Variants in MLLT3 observed in about 807,000 individuals in gnomAD.
MLLT3 encodes MLLT3 super elongation complex subunit.
MLLT3 carries 4 observed loss-of-function variants against 53.2 expected under a neutral mutation model. The observed-to-expected ratio is 0.08, with a 90% CI of 0.04 to 0.17. The LOEUF is 0.17. MLLT3 is among the 10% of genes least tolerant of loss of function. MLLT3 has a pLI of 1.00. For synonymous variants in MLLT3, 283 were observed against 230.6 expected (o/e 1.23, Z -2.06); for missense variants, 569 against 684.0 (o/e 0.83, Z 1.87).
In MLLT3 at chr9:20,573,123, C is replaced by CT. The variant is rs11349024; in HGVS notation, c.193+47530dup. Among the ~76,000 whole-genome samples, 423 of 144,670 alleles carry CT rather than the reference C, an allele frequency of 2.9e-3. 3 individuals are homozygous for CT. The highest frequency in any genetic ancestry group is 0.01 in the African/African-American group (400 of 39,174). The allele number at this position is 144,670 out of a possible 152,430, so 94.9% of individuals were successfully genotyped here. A position where few individuals can be genotyped will look rare whatever the true frequency, so the allele number is the denominator to read the frequency against. ...AAGTAAAACTATCACAACAGGAGAA[C>CT]TTTTTTTTTTTTTCGCTGTTGTGTT... On this transcript the variant is annotated intron_variant, in intron 2 of 10. Transcript: ENST00000380338.
At chr9:20,461,374 G>A (rs1037246194) in intron 2 of MLLT3, among the ~76,000 whole-genome samples, 26 of 152,046 alleles carry the variant, frequency 1.7e-4, no homozygotes, top group Non-Finnish European at 2.9e-5. Flanking sequence ...TGGAAAGGGG[G>A]AAAAGAAAAT....
intron 5 of MLLT3, chr9:20,382,417 C>T (rs1186220811): frequency 1.3e-5 from 2 of 151,858 alleles, no homozygotes; most frequent in African/African-American, 4.8e-5. Flanking sequence ...CTCAGGAAAA[C>T]AGAAGTGCCC....
At chr9:20,356,958 T>C (rs75166915) in intron 8 of MLLT3, among the ~76,000 whole-genome samples, 1 of 152,200 alleles carries the variant, frequency 6.6e-6, no homozygotes, top group Admixed American at 6.5e-5. Context: ...TCTTCCTTCT[T>C]TGATCTCTCC....
At chr9:20,494,319 T>C (rs773435598) in intron 2 of MLLT3, among the ~76,000 whole-genome samples, 37 of 151,884 alleles carry the variant, frequency 2.4e-4, no homozygotes, top group Non-Finnish European at 4.7e-4. Flanking sequence ...CTTTTACCAT[T>C]CTTCAGGGGA....
intron 2 of MLLT3, among the ~76,000 whole-genome samples, chr9:20,524,182 G>A (rs1239697678): frequency 6.6e-6 from 1 of 152,070 alleles, no homozygotes; most frequent in Non-Finnish European, 1.5e-5. Context: ...CACTCTGGTA[G>A]GGGATGTTGA....
chr9:20,451,633 T>C (rs563227498), intron 3 of MLLT3, among the ~76,000 whole-genome samples: 46 of 152,318 alleles, frequency 3.0e-4, no homozygotes, highest in Admixed American at 2.2e-3. Context: ...TCTGTGCTCC[T>C]TAGAAAACAT....
At chr9:20,423,207 T>C (rs1823057057) in intron 4 of MLLT3, among the ~76,000 whole-genome samples, 1 of 152,148 alleles carries the variant, frequency 6.6e-6, no homozygotes, top group African/African-American at 2.4e-5. Context: ...TTTATAGTCT[T>C]AACCACTACA....
At chr9:20,505,878 C>G (rs945173521) in intron 2 of MLLT3, among the ~76,000 whole-genome samples, 1 of 152,206 alleles carries the variant, frequency 6.6e-6, no homozygotes, top group Admixed American at 6.5e-5. Flanking sequence ...TAGATACCCC[C>G]TCAGTGTGAT....
chr9:20,381,417 C>G (rs1211331628), intron 5 of MLLT3, among the ~76,000 whole-genome samples: 1 of 151,446 alleles, frequency 6.6e-6, no homozygotes, highest in Admixed American at 6.6e-5. Context: ...TTATATTTCT[C>G]TAGGAAGAAA....
chr9:20,394,700 C>T (rs1222805610), intron 5 of MLLT3, among the ~76,000 whole-genome samples: 7 of 152,032 alleles, frequency 4.6e-5, no homozygotes, highest in Admixed American at 1.3e-4. Flanking sequence ...TAGACACTGG[C>T]TGTAAGATAC....
At chr9:20,408,195 T>A (rs1043689040) in intron 5 of MLLT3, among the ~76,000 whole-genome samples, 1 of 152,110 alleles carries the variant, frequency 6.6e-6, no homozygotes, top group East Asian at 1.9e-4. Flanking sequence ...TTCTAAGGAA[T>A]TCCTTAATTT....
chr9:20,517,019 C>G (rs989269571), intron 2 of MLLT3, among the ~76,000 whole-genome samples: 6 of 152,096 alleles, frequency 3.9e-5, no homozygotes, highest in Non-Finnish European at 7.4e-5. Context: ...TATACTTACG[C>G]AGTTTTTGTA....
chr9:20,383,924 G>C (rs1186280616), intron 5 of MLLT3, among the ~76,000 whole-genome samples: 1 of 151,926 alleles, frequency 6.6e-6, no homozygotes, highest in East Asian at 1.9e-4. Flanking sequence ...GTTAATCTAA[G>C]CACAAATGAT....
intron 5 of MLLT3, among the ~76,000 whole-genome samples, chr9:20,372,489 G>A (rs1306673574): frequency 1.3e-5 from 2 of 150,692 alleles, no homozygotes; most frequent in East Asian, 1.9e-4. Flanking sequence ...GTTCGTTCAC[G>A]CCATTCTCCT....
chr9:20,566,818 T>C (rs1013054429), intron 2 of MLLT3, among the ~76,000 whole-genome samples: 2 of 152,138 alleles, frequency 1.3e-5, no homozygotes, highest in Non-Finnish European at 2.9e-5. Flanking sequence ...AGAGGGCATC[T>C]GAACCTAGGG....
At chr9:20,510,769 G>T (rs183270816) in intron 2 of MLLT3, among the ~76,000 whole-genome samples, 162 of 151,962 alleles carry the variant, frequency 1.1e-3, no homozygotes, top group Admixed American at 3.0e-3. Context: ...TTGGTAAAAT[G>T]TTATTATTTA....
intron 2 of MLLT3, among the ~76,000 whole-genome samples, chr9:20,464,942 C>A (rs886356609): frequency 7.9e-5 from 12 of 152,042 alleles, no homozygotes; most frequent in Non-Finnish European, 1.2e-4. Context: ...ATCTTAAATT[C>A]TCCTAAAGCT....
chr9:20,558,054 A>C (rs1463681738), intron 2 of MLLT3, among the ~76,000 whole-genome samples: 1 of 152,166 alleles, frequency 6.6e-6, no homozygotes, highest in Non-Finnish European at 1.5e-5. Context: ...GCTGTAGTTC[A>C]CTTTTTACAG....
intron 4 of MLLT3, chr9:20,415,420 C>T (rs1822846690): frequency 1.1e-6 from 1 of 946,396 alleles, no homozygotes; most frequent in Non-Finnish European, 1.3e-6. Flanking sequence ...GGAACAAAAT[C>T]TAAGTCCATA....
Sources: allele counts gnomAD v4.1 joint callset (sites outside exome capture counted in the v4.1 genomes callset), GRCh38; gene constraint gnomAD v4.1.1; transcripts MANE v1.5; gene names NCBI Gene and HGNC (gene_info 2026-07-23, HGNC 2026-07-21).